The following ATRN variants were observed in gnomAD, a reference collection of about 807,000 sequenced individuals.
ATRN encodes attractin, also known as attractin-2.
Under a neutral mutation model 178.7 loss-of-function variants are expected in ATRN, and 54 were observed. That is an observed-to-expected ratio of 0.30 (90% confidence interval 0.24 to 0.38). ATRN has a LOEUF of 0.38. ATRN is among the 10% of genes least tolerant of loss of function. The pLI is 1.00. For missense variants in ATRN, 1,443 were observed against 1,815.1 expected (o/e 0.79, Z 3.73); for synonymous variants, 636 against 663.0 (o/e 0.96, Z 0.63).
rs148187168 is a variant in ATRN at position 3,594,559 on chromosome 20, G to A, written c.3403G>A (p.Asp1135Asn). ...CFCTTKGVKG[D>N]ECQLCEVENR... ...CTGCACCACCAAGGGCGTCAAGGGG[G>A]ACGAGTGCCAGCTGTGAGTACCATA... The change falls in exon 20 of 29, where the codon GAC (aspartate) becomes AAC (asparagine). Residue 1135 changes from aspartate (D) to asparagine (N), a missense_variant. This residue lies in a region of ATRN where 289 missense variants were observed against 440.8 expected (regional missense o/e 0.66). Coordinates refer to ENST00000262919, the MANE Select transcript of ATRN (RefSeq NM_139321.3). 5.6e-6 allele frequency: 9 copies of A among 1,611,932 alleles called. No individual in the cohort carries two copies. The highest frequency in any genetic ancestry group is 1.3e-5 in the African/African-American group (1 of 74,892).
intron 20 of ATRN, among the ~76,000 whole-genome samples, chr20:3,594,838 A>G (rs2086502621): frequency 6.6e-6 from 1 of 152,150 alleles, no homozygotes; most frequent in South Asian, 2.1e-4. Flanking sequence ...TGGGTTGTCC[A>G]TTTGGAGTAG....
At chr20:3,608,324 AGT>A (rs1277548908) in intron 24 of ATRN, among the ~76,000 whole-genome samples, 3 of 152,174 alleles carry the variant, frequency 2.0e-5, no homozygotes, top group African/African-American at 7.2e-5. Context: ...TTCTTCTAGT[AGT>A]TTTATGGTTT....
At chr20:3,484,636 CA>C (rs1436686109) in intron 1 of ATRN, among the ~76,000 whole-genome samples, 2 of 152,094 alleles carry the variant, frequency 1.3e-5, no homozygotes, top group Non-Finnish European at 2.9e-5. Context: ...CTAATTTCAA[CA>C]AAAATCCCTG....
At chr20:3,484,605 T>C (rs560136927) in intron 1 of ATRN, among the ~76,000 whole-genome samples, 5 of 152,312 alleles carry the variant, frequency 3.3e-5, no homozygotes, top group African/African-American at 7.2e-5. Flanking sequence ...TTGTCTTGAT[T>C]GTTCTTAACT....
At chr20:3,623,554 G>A (rs2086913383) in intron 24 of ATRN, among the ~76,000 whole-genome samples, 1 of 152,190 alleles carries the variant, frequency 6.6e-6, no homozygotes. Flanking sequence ...GACTAGGAAA[G>A]CAGATGCTCG....
intron 24 of ATRN, among the ~76,000 whole-genome samples, chr20:3,620,219 A>AGTTTTGTTTTGTTTTGTTTT (rs58441132): frequency 2.0e-5 from 3 of 148,364 alleles, no homozygotes; most frequent in African/African-American, 5.0e-5. Flanking sequence ...GCACAGGAGG[A>AGTTTTGTTTTGTTTTGTTTT]GTTTTGTTTT....
At chr20:3,537,932 AT>A (rs1053379814) in intron 2 of ATRN, among the ~76,000 whole-genome samples, 21 of 145,640 alleles carry the variant, frequency 1.4e-4, no homozygotes, top group African/African-American at 4.1e-4. Flanking sequence ...TTTTATTATT[AT>A]TTTTTTCATT....
At chr20:3,527,693 T>A (rs1259407852) in intron 1 of ATRN, among the ~76,000 whole-genome samples, 1 of 152,130 alleles carries the variant, frequency 6.6e-6, no homozygotes, top group Non-Finnish European at 1.5e-5. Flanking sequence ...GATGATAGAC[T>A]GGATAAAGAA....
At chr20:3,593,425 C>A (rs1016758025) in intron 19 of ATRN, among the ~76,000 whole-genome samples, 1 of 152,026 alleles carries the variant, frequency 6.6e-6, no homozygotes, top group East Asian at 1.9e-4. Context: ...TCACAAACAC[C>A]CCTATGAGAT....
intron 1 of ATRN, among the ~76,000 whole-genome samples, chr20:3,533,540 G>C (rs986638546): frequency 2.6e-5 from 4 of 152,164 alleles, no homozygotes. Context: ...CCTCCTTCCT[G>C]CTGGGTAGAA....
At position 3,582,924 on chromosome 20, in the gene ATRN, G is replaced by C. The variant is rs16988723; in HGVS notation, c.2764+570G>C. Among the ~76,000 whole-genome samples, 1,097 of 152,216 alleles carry C rather than the reference G, an allele frequency of 7.2e-3. 14 individuals carry two copies. Among genetic ancestry groups the C allele is most frequent in the African/African-American group, 0.025 (1,023 of 41,532 alleles). On this transcript the variant is annotated intron_variant, in intron 16 of 28. Coordinates refer to ENST00000262919, the MANE Select transcript of ATRN (RefSeq NM_139321.3). ...TTCAGTCTCTCTGGGCTACATTTTG[G>C]CTAACTAAAGGCAGGCCCAGGGGTA...
intron 25 of ATRN, among the ~76,000 whole-genome samples, chr20:3,630,494 T>C (rs2086981466): frequency 6.6e-6 from 1 of 152,182 alleles, no homozygotes. Context: ...CTTGTGTCAA[T>C]GGCTTGCTTT....
At chr20:3,550,787 CT>C (rs1386181197) in intron 6 of ATRN, among the ~76,000 whole-genome samples, 5 of 152,146 alleles carry the variant, frequency 3.3e-5, no homozygotes, top group African/African-American at 1.2e-4. Context: ...ACACATCCCC[CT>C]TCCCTCTGGG....
chr20:3,475,961 A>G (rs2084523659), intron 1 of ATRN, among the ~76,000 whole-genome samples: 1 of 152,202 alleles, frequency 6.6e-6, no homozygotes, highest in Non-Finnish European at 1.5e-5. Context: ...CCTGGGCAAC[A>G]AAGTGAGAGC....
chr20:3,537,753 C>G (rs1222394719), intron 2 of ATRN, among the ~76,000 whole-genome samples: 2 of 150,538 alleles, frequency 1.3e-5, no homozygotes, highest in African/African-American at 2.4e-5. Flanking sequence ...TAAGTGAGAA[C>G]ATGTGGTGTT....
chr20:3,559,345 T>C (rs2085920343), intron 6 of ATRN, 48 bp from the exon 7 acceptor site: 1 of 1,319,902 alleles, frequency 7.6e-7, no homozygotes, highest in African/African-American at 1.4e-5. Flanking sequence ...TAGTATGAGA[T>C]GTTCTGTCTT....
At chr20:3,501,387 T>G (rs547380321) in intron 1 of ATRN, among the ~76,000 whole-genome samples, 1 of 152,330 alleles carries the variant, frequency 6.6e-6, no homozygotes, top group South Asian at 2.1e-4. Flanking sequence ...TGCCAGACTC[T>G]GTTCTGTAAA....
At chr20:3,641,373 T>C (rs909177700) in intron 27 of ATRN, among the ~76,000 whole-genome samples, 1 of 151,682 alleles carries the variant, frequency 6.6e-6, no homozygotes, top group East Asian at 1.9e-4. Context: ...GGCGGATCAC[T>C]TGAGGTCAGG....
chr20:3,583,016 G>A lies in ATRN; in HGVS notation c.2764+662G>A, dbSNP rs548017845. ...CCTGCAGAGGGACTCACAAGCAGTC[G>A]GTGGAATTGTGGATTATTTTGGGAG... On this transcript the variant is annotated intron_variant, in intron 16 of 28. Transcript: ENST00000262919. 5.9e-5 allele frequency among the ~76,000 whole-genome samples: 9 copies of A among 152,286 alleles called. No homozygotes were observed. In the South Asian group the frequency reaches 1.9e-3, roughly 32 times the overall value.
Sources: gnomAD v4.1 joint callset for allele counts (sites outside exome capture counted in the v4.1 genomes callset) on GRCh38, gnomAD v4.1.1 for gene constraint, gnomAD v4.1.1 regional missense constraint, MANE v1.5 for transcripts, NCBI Gene and HGNC (gene_info 2026-07-23, HGNC 2026-07-21) for gene names.